The following CDYL2 variants were observed in gnomAD, a reference collection of about 807,000 sequenced individuals.
The protein encoded by CDYL2 is chromodomain Y like 2.
A neutral mutation model predicts 49.4 loss-of-function variants in CDYL2; 23 were observed. The observed-to-expected ratio is 0.47, with a 90% confidence interval of 0.34 to 0.66. The LOEUF is 0.66. Among genes scored for constraint, CDYL2 ranks in the 30% least tolerant of loss-of-function variants. CDYL2 has a pLI of 0.01. For missense variants in CDYL2, 678 were observed against 656.4 expected, an observed-to-expected ratio of 1.03 and a Z score of -0.36; for synonymous variants, 360 against 268.8, an observed-to-expected ratio of 1.34 and a Z score of -3.32.
chr16:80,774,311 C>T (rs1907007908), intron 1 of CDYL2, among the ~76,000 whole-genome samples: 1 of 149,636 alleles, frequency 6.7e-6, no homozygotes, highest in South Asian at 2.1e-4. Context: ...AAGACAAATG[C>T]TATGCGATCT....
At chr16:80,773,625 T>C (rs890379781) in intron 1 of CDYL2, among the ~76,000 whole-genome samples, 3 of 152,078 alleles carry the variant, frequency 2.0e-5, no homozygotes, top group African/African-American at 7.2e-5. Flanking sequence ...AATGATAAAA[T>C]TGAAAGTACA....
chr16:80,681,359 G>C (rs780549247), intron 2 of CDYL2, among the ~76,000 whole-genome samples: 1 of 152,174 alleles, frequency 6.6e-6, no homozygotes, highest in Non-Finnish European at 1.5e-5. Context: ...GGTTAGGGAA[G>C]AGGGTAGAAG....
intron 1 of CDYL2, among the ~76,000 whole-genome samples, chr16:80,788,994 A>G (rs1043231958): frequency 7.2e-5 from 11 of 152,200 alleles, no homozygotes; most frequent in Admixed American, 3.3e-4. Flanking sequence ...GAAGACATAC[A>G]AGTGGCCAAA....
chr16:80,679,267 AAAATATAT>A (rs1387640611), intron 2 of CDYL2, among the ~76,000 whole-genome samples: 2 of 130,162 alleles, frequency 1.5e-5, no homozygotes, highest in Non-Finnish European at 3.3e-5. Flanking sequence ...TATAATAATA[AAAATATAT>A]AAATAAATAA....
chr16:80,783,977 C>A (rs1162881063), intron 1 of CDYL2, among the ~76,000 whole-genome samples: 1 of 152,132 alleles, frequency 6.6e-6, no homozygotes, highest in Non-Finnish European at 1.5e-5. Context: ...TGGAACTAGA[C>A]AACATTGTGA....
chr16:80,729,543 G>A (rs997197491), intron 1 of CDYL2, among the ~76,000 whole-genome samples: 20 of 151,872 alleles, frequency 1.3e-4, no homozygotes, highest in Admixed American at 3.3e-4. Flanking sequence ...ACAGATCAAC[G>A]AGACAGAAAG....
At chr16:80,779,666 A>C (rs1299697269) in intron 1 of CDYL2, among the ~76,000 whole-genome samples, 2 of 152,172 alleles carry the variant, frequency 1.3e-5, no homozygotes, top group Non-Finnish European at 2.9e-5. Context: ...AGCATATTAA[A>C]ATTATGTTAT....
chr16:80,607,963 T>C, intron 6 of CDYL2, 129 bp downstream of exon 6: 1 of 1,097,284 alleles, frequency 9.1e-7, no homozygotes, highest in Non-Finnish European at 1.2e-6. Flanking sequence ...TTTGTTAAAT[T>C]GCAAAGGGTC....
At chr16:80,626,805 A>G (rs1459661446) in intron 3 of CDYL2, among the ~76,000 whole-genome samples, 1 of 152,222 alleles carries the variant, frequency 6.6e-6, no homozygotes, top group Non-Finnish European at 1.5e-5. Flanking sequence ...AAGTTTTAAA[A>G]GAACTTCCAT....
intron 5 of CDYL2, among the ~76,000 whole-genome samples, chr16:80,610,478 C>A (rs1174935513): frequency 6.6e-6 from 1 of 152,150 alleles, no homozygotes; most frequent in East Asian, 1.9e-4. Context: ...ATGGACTGCT[C>A]TCTTTTGAAG....
intron 5 of CDYL2, among the ~76,000 whole-genome samples, chr16:80,610,763 G>A (rs1304728389): frequency 7.2e-5 from 11 of 152,098 alleles, no homozygotes; most frequent in Admixed American, 2.0e-4. Context: ...GCCAGCACTC[G>A]GCTTTTTCTC....
Position 80,603,240 on chromosome 16 carries a change from T to C in CDYL2, c.*1148A>G, listed in dbSNP as rs1269829215. The stretch of plus-strand genomic sequence containing the variant: ...AGACTGCAGGATCCAAGTTCAGTCA[T>C]TTGCCCCAAAGAAAGAAGTCTTATT... On this transcript the variant is annotated 3_prime_UTR_variant, in exon 7 of 7. Transcript: ENST00000570137. The C allele has an allele frequency of 1.3e-5, 2 of 152,220 alleles. No homozygotes were observed. Among genetic ancestry groups the C allele is most frequent in the African/African-American group, 2.4e-5 (1 of 41,450 alleles). The allele number at this position is 152,220 out of a possible 1,614,324, so 9.4% of individuals were successfully genotyped here. A position where few individuals can be genotyped will look rare whatever the true frequency, so the allele number is the denominator to read the frequency against.
Position 80,612,577 on chromosome 16 carries a change from G to C in CDYL2, c.1218+49C>G, listed in dbSNP as rs1342779634. On this transcript the variant is annotated intron_variant, in intron 5 of 6. Transcript: ENST00000570137. The surrounding 1 kb of genome is among the most constrained non-coding windows in gnomAD (Gnocchi z 5.0). ...ATGAAGAGCCCCTAAACCCAAGGCA[G>C]AGGAAGGATCCTGCTGGGACCCGAA... The C allele has an allele frequency of 5.9e-6, 9 of 1,534,242 alleles. No homozygotes were observed. Among genetic ancestry groups the C allele is most frequent in the Non-Finnish European group, 7.0e-6 (8 of 1,136,890 alleles).
At position 80,612,630 on chromosome 16, in the gene CDYL2, GCGA is replaced by G; in HGVS notation, c.1211_1213del (p.Val404del). ...CAGGTATCACAGGAGGCTTACCAGC[GCGA>G]CGCCCAGGATCTGGGGGAAGGTGTA... is the stretch of plus-strand genomic sequence containing the variant. On this transcript the variant is annotated inframe_deletion, in exon 5 of 7. Transcript: ENST00000570137. The surrounding 1 kb of genome is among the most constrained non-coding windows in gnomAD (Gnocchi z 5.0). 6.2e-7 allele frequency: 1 copy of G among 1,605,632 alleles called. No individual in the cohort carries two copies.
At chr16:80,611,970 G>C (rs1261065213) in intron 5 of CDYL2, among the ~76,000 whole-genome samples, 1 of 152,226 alleles carries the variant, frequency 6.6e-6, no homozygotes, top group Non-Finnish European at 1.5e-5. Context: ...CCATCTGTAA[G>C]ATGGAAATCG....
At chr16:80,675,918 G>A (rs1349879580) in intron 2 of CDYL2, among the ~76,000 whole-genome samples, 1 of 152,156 alleles carries the variant, frequency 6.6e-6, no homozygotes, top group Non-Finnish European at 1.5e-5. Context: ...GACATTGAGG[G>A]AGGAAAACGA....
At chr16:80,613,375 C>A (rs1906687364) in intron 4 of CDYL2, among the ~76,000 whole-genome samples, 1 of 152,054 alleles carries the variant, frequency 6.6e-6, no homozygotes, top group South Asian at 2.1e-4. Flanking sequence ...CTGGGTGATG[C>A]TGTAGAGGGA....
intron 1 of CDYL2, among the ~76,000 whole-genome samples, chr16:80,739,349 A>G (rs372248344): frequency 1.3e-5 from 2 of 152,228 alleles, no homozygotes; most frequent in East Asian, 3.8e-4. Context: ...CTGCACATCA[A>G]TGTAAATGTA....
chr16:80,739,426 A>G (rs191189753), intron 1 of CDYL2, among the ~76,000 whole-genome samples: 6 of 152,352 alleles, frequency 3.9e-5, no homozygotes, highest in Admixed American at 1.3e-4. Flanking sequence ...TATGTATTTT[A>G]TCACAATCTA....
Sources: allele counts gnomAD v4.1 joint callset (sites outside exome capture counted in the v4.1 genomes callset), GRCh38; gene constraint gnomAD v4.1.1; non-coding constraint Gnocchi (gnomAD v3.1); transcripts MANE v1.5; gene names NCBI Gene and HGNC (gene_info 2026-07-23, HGNC 2026-07-21).